The following KCND2 variants were observed in gnomAD, a reference collection of about 807,000 sequenced individuals.
The protein encoded by KCND2 is potassium voltage-gated channel subfamily D member 2, also known as A-type voltage-gated potassium channel KCND2.
In KCND2, 16 loss-of-function variants were observed where a neutral mutation model predicts 54.4. That is an observed-to-expected ratio of 0.29 (90% CI 0.20 to 0.45). The LOEUF is 0.45. KCND2 is among the 20% of genes least tolerant of loss of function. The probability of loss-of-function intolerance (pLI) is 1.00; values close to 1 mark genes in which losing one functional copy is unlikely to be tolerated. For missense variants in KCND2, 486 were observed against 824.2 expected (o/e 0.59, Z 5.02); for synonymous variants, 317 against 310.7 (o/e 1.02, Z -0.21).
chr7:120,552,228 A>G (rs1028149480), intron 1 of KCND2, among the ~76,000 whole-genome samples: 4 of 152,204 alleles, frequency 2.6e-5, no homozygotes, highest in Non-Finnish European at 5.9e-5. Context: ...GTTATTTTCT[A>G]TTGGATTAAG....
intron 1 of KCND2, among the ~76,000 whole-genome samples, chr7:120,310,140 A>G (rs914387789): frequency 2.6e-5 from 4 of 152,142 alleles, no homozygotes; most frequent in African/African-American, 4.8e-5. Flanking sequence ...GAGAGAGGGG[A>G]TGGGACGGAG....
At chr7:120,349,667 G>A (rs1800373777) in intron 1 of KCND2, among the ~76,000 whole-genome samples, 1 of 152,166 alleles carries the variant, frequency 6.6e-6, no homozygotes, top group African/African-American at 2.4e-5. Flanking sequence ...AAGATACCAT[G>A]CAAGTTAATT....
intron 1 of KCND2, among the ~76,000 whole-genome samples, chr7:120,293,854 A>G (rs1799472392): frequency 6.6e-6 from 1 of 151,968 alleles, no homozygotes; most frequent in South Asian, 2.1e-4. Flanking sequence ...AGGGTCAACA[A>G]TTATTTATAT....
chr7:120,581,979 G>C (rs771105414), intron 1 of KCND2, among the ~76,000 whole-genome samples: 17 of 152,208 alleles, frequency 1.1e-4, no homozygotes, highest in Non-Finnish European at 1.9e-4. Context: ...CTCCCGAAGT[G>C]CTGGGATTAC....
chr7:120,349,769 A>G (rs937947435), intron 1 of KCND2, among the ~76,000 whole-genome samples: 1 of 152,080 alleles, frequency 6.6e-6, no homozygotes, highest in African/African-American at 2.4e-5. Context: ...GCCCCCTTGG[A>G]TCTTTAATTT....
At chr7:120,623,012 A>G (rs1036721971) in intron 1 of KCND2, among the ~76,000 whole-genome samples, 10 of 152,340 alleles carry the variant, frequency 6.6e-5, no homozygotes, top group East Asian at 3.9e-4. Context: ...TAATATATTA[A>G]TAGTAATATA....
At chr7:120,713,681 G>C (rs1015038044) in intron 1 of KCND2, among the ~76,000 whole-genome samples, 2 of 152,146 alleles carry the variant, frequency 1.3e-5, no homozygotes, top group Non-Finnish European at 2.9e-5. Flanking sequence ...AAATGATCCT[G>C]TTATCTTTTG....
At chr7:120,571,877 C>T (rs905099208) in intron 1 of KCND2, among the ~76,000 whole-genome samples, 1 of 152,174 alleles carries the variant, frequency 6.6e-6, no homozygotes, top group African/African-American at 2.4e-5. Flanking sequence ...ACTTTTTCTT[C>T]TTTCTTTTCT....
At chr7:120,415,621 A>G (rs1395916281) in intron 1 of KCND2, among the ~76,000 whole-genome samples, 3 of 152,114 alleles carry the variant, frequency 2.0e-5, no homozygotes, top group African/African-American at 4.8e-5. Flanking sequence ...GGGATCTTCT[A>G]GGCTCAGTCT....
intron 1 of KCND2, among the ~76,000 whole-genome samples, chr7:120,680,041 TTA>T (rs1469606615): frequency 1.3e-5 from 2 of 152,152 alleles, no homozygotes; most frequent in East Asian, 3.9e-4. Context: ...GCATTTAATT[TTA>T]GAGATGATTA....
At chr7:120,709,797 G>A (rs1792516290) in intron 1 of KCND2, among the ~76,000 whole-genome samples, 1 of 152,070 alleles carries the variant, frequency 6.6e-6, no homozygotes. Context: ...CACTGGCTTG[G>A]AATCTTACTG....
At chr7:120,312,354 A>C (rs939324059) in intron 1 of KCND2, among the ~76,000 whole-genome samples, 2 of 151,954 alleles carry the variant, frequency 1.3e-5, no homozygotes, top group Non-Finnish European at 2.9e-5. Flanking sequence ...ACATGCACAT[A>C]CATGTGTTTT....
intron 1 of KCND2, among the ~76,000 whole-genome samples, chr7:120,705,654 G>C (rs1475749155): frequency 1.3e-5 from 2 of 152,118 alleles, no homozygotes; most frequent in Admixed American, 6.6e-5. Flanking sequence ...AATTTATCAA[G>C]AAGGATTATT....
intron 1 of KCND2, among the ~76,000 whole-genome samples, chr7:120,687,811 A>G (rs1167598236): frequency 6.6e-6 from 1 of 152,220 alleles, no homozygotes; most frequent in Non-Finnish European, 1.5e-5. Flanking sequence ...ACATAAATAT[A>G]TAATTATAAT....
chr7:120,629,823 T>C (rs1425242771), intron 1 of KCND2, among the ~76,000 whole-genome samples: 1 of 152,188 alleles, frequency 6.6e-6, no homozygotes, highest in African/African-American at 2.4e-5. Flanking sequence ...TTTTAAAGTT[T>C]TTAGTCGGGA....
chr7:120,524,442 A>T (rs1791746125), intron 1 of KCND2, among the ~76,000 whole-genome samples: 1 of 152,138 alleles, frequency 6.6e-6, no homozygotes, highest in Admixed American at 6.5e-5. Flanking sequence ...ATATATTTTT[A>T]AAGGCTTTTT....
At position 120,298,801 on chromosome 7, in the gene KCND2, G is replaced by A. The variant is rs144661256; in HGVS notation, c.1115+23054G>A. On this transcript the variant is annotated intron_variant, in intron 1 of 5. Transcript: ENST00000331113. ...GAGCACTACTATTAGAAAGTGTAGCGAAGTCTTACGCTTTACCTGTTATTG... is the reference window on the plus strand; with the variant it reads ...GAGCACTACTATTAGAAAGTGTAGCAAAGTCTTACGCTTTACCTGTTATTG... 8.4e-3 allele frequency among the ~76,000 whole-genome samples: 1,278 copies of A among 152,242 alleles called. 14 individuals are homozygous for A. Among genetic ancestry groups the A allele is most frequent in the African/African-American group, 0.029 (1,196 of 41,548 alleles).
At chr7:120,414,400 G>T (rs1801496752) in intron 1 of KCND2, among the ~76,000 whole-genome samples, 1 of 151,970 alleles carries the variant, frequency 6.6e-6, no homozygotes, top group Admixed American at 6.6e-5. Flanking sequence ...TGACTATTTT[G>T]TTATTATGGA....
intron 1 of KCND2, among the ~76,000 whole-genome samples, chr7:120,568,960 A>G (rs1232690073): frequency 1.3e-5 from 2 of 152,112 alleles, no homozygotes; most frequent in Non-Finnish European, 2.9e-5. Context: ...TGAAAGAATG[A>G]TCAGTCTTTA....
Sources: gnomAD v4.1 joint callset for allele counts (sites outside exome capture counted in the v4.1 genomes callset) on GRCh38, gnomAD v4.1.1 for gene constraint, MANE v1.5 for transcripts, NCBI Gene and HGNC (gene_info 2026-07-23, HGNC 2026-07-21) for gene names.